The following ROCK1 variants were observed in gnomAD, a reference collection of about 807,000 sequenced individuals.
ROCK1 encodes Rho associated coiled-coil containing protein kinase 1, also known as rho-associated protein kinase 1.
In ROCK1, 36 loss-of-function variants were observed where a neutral mutation model predicts 196.8. The observed-to-expected ratio is 0.18, with a 90% confidence interval of 0.14 to 0.24. The LOEUF is 0.24. Ranked by LOEUF, ROCK1 falls within the 10% of genes least tolerant of loss-of-function variation. ROCK1 has a pLI of 1.00. For missense variants in ROCK1, 920 were observed against 1,562.0 expected, an observed-to-expected ratio of 0.59 and a Z score of 6.93; for synonymous variants, 443 against 515.9, an observed-to-expected ratio of 0.86 and a Z score of 1.91.
intron 2 of ROCK1, among the ~76,000 whole-genome samples, chr18:21,069,466 A>C (rs1270529984): frequency 1.3e-5 from 2 of 152,074 alleles, no homozygotes; most frequent in African/African-American, 2.4e-5. Context: ...ATTTCTACTA[A>C]AGCATTAATG....
chr18:21,018,966 A>C (rs955539327), intron 12 of ROCK1, among the ~76,000 whole-genome samples: 2 of 152,218 alleles, frequency 1.3e-5, no homozygotes, highest in African/African-American at 4.8e-5. Flanking sequence ...TAACTCAAAG[A>C]TATTTTTTCT....
intron 16 of ROCK1, among the ~76,000 whole-genome samples, chr18:21,001,206 T>G (rs189574591): frequency 6.6e-6 from 1 of 152,178 alleles, no homozygotes; most frequent in African/African-American, 2.4e-5. Context: ...ATGCCATTTA[T>G]ACGAAATATC....
intron 19 of ROCK1, among the ~76,000 whole-genome samples, chr18:20,986,715 T>C (rs937400136): frequency 7.2e-5 from 11 of 152,186 alleles, no homozygotes; most frequent in Non-Finnish European, 1.6e-4. Context: ...CATTTCAATA[T>C]AGTTGTACTG....
At chr18:21,087,669 C>A (rs994339902) in intron 1 of ROCK1, among the ~76,000 whole-genome samples, 5 of 151,760 alleles carry the variant, frequency 3.3e-5, no homozygotes. Context: ...AACTGCAACA[C>A]AAGTGAAGCA....
At chr18:20,982,455 T>C (rs911559516) in intron 21 of ROCK1, among the ~76,000 whole-genome samples, 18 of 152,196 alleles carry the variant, frequency 1.2e-4, no homozygotes, top group Admixed American at 7.9e-4. Context: ...TTTCACCATG[T>C]TGGCCAGGCT....
Position 20,951,225 on chromosome 18 carries a change from A to G in ROCK1, c.*159T>C. On this transcript the variant is annotated 3_prime_UTR_variant, in exon 33 of 33. Transcript: ENST00000399799. ...CAAACCCGCAATAAAAAAAACCCTC[A>G]GTGTGTTGTGCCAAAGCAAGGACAG... 1.9e-6 allele frequency: 1 copy of G among 531,546 alleles called. No individual in the cohort carries two copies. The highest frequency in any genetic ancestry group is 3.3e-6 in the Non-Finnish European group (1 of 305,596). The allele number at this position is 531,546 out of a possible 1,614,324, so 32.9% of individuals were successfully genotyped here. A position where few individuals can be genotyped will look rare whatever the true frequency, so the allele number is the denominator to read the frequency against.
chr18:21,034,331 CA>C (rs931899712), intron 9 of ROCK1, among the ~76,000 whole-genome samples: 45 of 152,188 alleles, frequency 3.0e-4, no homozygotes, highest in African/African-American at 1.1e-3. Flanking sequence ...CATGAGATCC[CA>C]AATAGTCAAA....
chr18:20,965,827 T>C (rs1285290672), intron 27 of ROCK1, among the ~76,000 whole-genome samples: 1 of 152,160 alleles, frequency 6.6e-6, no homozygotes, highest in Non-Finnish European at 1.5e-5. Context: ...CCCAGATACC[T>C]GATTTTGACC....
Position 21,045,442 on chromosome 18 carries a change from C to G in ROCK1, c.440G>C (p.Arg147Pro). 1 of 1,608,812 alleles carries G rather than the reference C, an allele frequency of 6.2e-7. No individual in the cohort carries two copies. The highest frequency in any genetic ancestry group is 2.2e-5 in the East Asian group (1 of 44,680). ...GTATTCCATCACCATGTAGAGATAA[C>G]GATCATCTTGGAATGCATAAAAAAG... is the stretch of plus-strand genomic sequence containing the variant. ...VQLFYAFQDDRYLYMVMEYMP... is the reference protein window; with the variant it reads ...VQLFYAFQDDPYLYMVMEYMP... Residue 147 changes from arginine to proline, a missense_variant, in exon 5 of 33, where the codon CGT becomes CCT. Around this residue, in one of 6 missense-constraint regions of ROCK1, gnomAD observed 234 missense variants for 460.7 expected, o/e 0.51. Transcript: ENST00000399799.
chr18:20,966,370 C>G (rs2035374397), intron 27 of ROCK1, among the ~76,000 whole-genome samples: 1 of 152,136 alleles, frequency 6.6e-6, no homozygotes, highest in African/African-American at 2.4e-5. Flanking sequence ...CTCATTCCTG[C>G]CTTTATTTGA....
At chr18:21,047,679 A>G (rs1214910870) in intron 4 of ROCK1, among the ~76,000 whole-genome samples, 1 of 152,112 alleles carries the variant, frequency 6.6e-6, no homozygotes, top group Non-Finnish European at 1.5e-5. Flanking sequence ...CTGTCGTCCC[A>G]GCTACTCGGG....
At chr18:20,966,062 T>C (rs1374262766) in intron 27 of ROCK1, among the ~76,000 whole-genome samples, 3 of 152,208 alleles carry the variant, frequency 2.0e-5, no homozygotes, top group Non-Finnish European at 2.9e-5. Context: ...CCTATTTATG[T>C]ATTATTCAGA....
chr18:21,045,999 C>T (rs1182904600), intron 4 of ROCK1, among the ~76,000 whole-genome samples: 2 of 149,556 alleles, frequency 1.3e-5, no homozygotes, highest in Admixed American at 1.3e-4. Context: ...CAAGCTCCGC[C>T]TCCCAGGTTC....
At chr18:20,992,764 C>T in intron 17 of ROCK1, 67 bp downstream of exon 17, 1 of 897,204 alleles carries the variant, frequency 1.1e-6, no homozygotes, top group Non-Finnish European at 1.7e-6. Flanking sequence ...TTTATAAAAC[C>T]ACCTAGTAGT....
intron 9 of ROCK1, among the ~76,000 whole-genome samples, chr18:21,030,171 G>T (rs2035994022): frequency 6.6e-6 from 1 of 152,104 alleles, no homozygotes. Flanking sequence ...TCTAATATTT[G>T]TAAAATGAGG....
intron 2 of ROCK1, among the ~76,000 whole-genome samples, chr18:21,057,647 C>T (rs181832246): frequency 6.8e-4 from 104 of 152,046 alleles, no homozygotes; most frequent in African/African-American, 2.1e-3. Flanking sequence ...CATGGCAAAA[C>T]CCCGTCTCTA....
intron 22 of ROCK1, 149 bp from the exon 23 acceptor site, chr18:20,970,662 A>G: frequency 1.7e-6 from 1 of 584,944 alleles, no homozygotes; most frequent in South Asian, 2.9e-5. Context: ...CAAACTTTCT[A>G]TAAAAGTAAT....
chr18:21,105,524 AG>A (rs2036695750), intron 1 of ROCK1, among the ~76,000 whole-genome samples: 1 of 152,350 alleles, frequency 6.6e-6, no homozygotes, highest in East Asian at 1.9e-4. Flanking sequence ...TCAACTGGCA[AG>A]GCATACAGGG....
At chr18:21,086,761 GAA>G (rs1307007720) in intron 1 of ROCK1, among the ~76,000 whole-genome samples, 11 of 107,750 alleles carry the variant, frequency 1.0e-4, no homozygotes, top group African/African-American at 1.7e-4. Context: ...TACATCCACT[GAA>G]AAAAAAAAAA....
Sources: gnomAD v4.1 joint callset for allele counts (sites outside exome capture counted in the v4.1 genomes callset) on GRCh38, gnomAD v4.1.1 for gene constraint, gnomAD v4.1.1 regional missense constraint, MANE v1.5 for transcripts, NCBI Gene and HGNC (gene_info 2026-07-23, HGNC 2026-07-21) for gene names.